Variants in FAM168A observed in about 807,000 individuals in gnomAD.
FAM168A encodes the protein family with sequence similarity 168 member A.
A neutral mutation model predicts 28.5 loss-of-function variants in FAM168A; 3 were observed. That is an observed-to-expected ratio of 0.11 (90% confidence interval 0.05 to 0.27). FAM168A has a LOEUF of 0.27. Ranked by LOEUF, FAM168A falls within the 10% of genes least tolerant of loss-of-function variation. The probability of loss-of-function intolerance (pLI) is 1.00; values close to 1 mark genes in which losing one functional copy is unlikely to be tolerated. For missense variants in FAM168A, 222 were observed against 311.5 expected (o/e 0.71, Z 2.16); for synonymous variants, 122 against 124.2 (o/e 0.98, Z 0.12).
At chr11:73,423,247 A>T (rs1400768663) in intron 3 of FAM168A, among the ~76,000 whole-genome samples, 1 of 152,258 alleles carries the variant, frequency 6.6e-6, no homozygotes, top group East Asian at 1.9e-4. Context: ...ATCGTCTCTC[A>T]TCTGAACTAC....
chr11:73,588,617 G>A (rs1292783918), intron 1 of FAM168A, among the ~76,000 whole-genome samples: 1 of 152,098 alleles, frequency 6.6e-6, no homozygotes, highest in Non-Finnish European at 1.5e-5. Flanking sequence ...ACATGACCAC[G>A]TGAGCCCAGG....
At chr11:73,536,581 G>A (rs1943585493) in intron 1 of FAM168A, among the ~76,000 whole-genome samples, 1 of 152,118 alleles carries the variant, frequency 6.6e-6, no homozygotes, top group Non-Finnish European at 1.5e-5. Flanking sequence ...CAGCTACTCG[G>A]GAGGCTGAGG....
rs57233496 is a variant in FAM168A at position 73,545,027 on chromosome 11, A to AT, written c.-19+52895_-19+52896insA. On this transcript the variant is annotated intron_variant, in intron 1 of 7. Coordinates refer to ENST00000356467, the MANE Select transcript of FAM168A (RefSeq NM_015159.3). ...AATATACTATATATATAGTATATATAATATATATATATTTTTTGGAGACAG... is the reference window on the plus strand; with the variant it reads ...AATATACTATATATATAGTATATATATATATATATATATTTTTTGGAGACAG... 2.7e-4 allele frequency among the ~76,000 whole-genome samples: 21 copies of AT among 77,428 alleles called. 1 individual carries two copies. The highest frequency in any genetic ancestry group is 2.1e-3 in the African/African-American group (18 of 8,454). 50.8% of individuals were successfully genotyped at this position (77,428 alleles called of 152,430 possible). A position where few individuals can be genotyped will look rare whatever the true frequency, so the allele number is the denominator to read the frequency against.
intron 1 of FAM168A, among the ~76,000 whole-genome samples, chr11:73,558,238 T>C (rs747116729): frequency 6.6e-6 from 1 of 152,052 alleles, no homozygotes; most frequent in Non-Finnish European, 1.5e-5. Flanking sequence ...CCCAGCACTT[T>C]AGAAGGGCCA....
chr11:73,528,301 T>C (rs1282728801), intron 1 of FAM168A, among the ~76,000 whole-genome samples: 1 of 152,196 alleles, frequency 6.6e-6, no homozygotes, highest in Non-Finnish European at 1.5e-5. Context: ...AGCCTCCAGA[T>C]GTTTACGGTT....
chr11:73,464,379 T>G (rs1284814382), intron 2 of FAM168A, among the ~76,000 whole-genome samples: 3 of 152,058 alleles, frequency 2.0e-5, no homozygotes, highest in African/African-American at 7.2e-5. Context: ...ATGGTAGTCT[T>G]TGAACAGATT....
At chr11:73,533,357 A>G (rs1296483354) in intron 1 of FAM168A, among the ~76,000 whole-genome samples, 1 of 152,218 alleles carries the variant, frequency 6.6e-6, no homozygotes, top group Non-Finnish European at 1.5e-5. Context: ...CTAGGAAGCA[A>G]GCAAAAAAGG....
In FAM168A at chr11:73,404,028, A is replaced by T. The variant is rs2134470147; in HGVS notation, c.*2735T>A. Reference sequence around the variant, plus strand: ...CTGTCACTTATTAGCAAGTCACTTGACTTTTCCAAGCCTTGATTTCCTTAT... The same window carrying T: ...CTGTCACTTATTAGCAAGTCACTTGTCTTTTCCAAGCCTTGATTTCCTTAT... On this transcript the variant is annotated 3_prime_UTR_variant, in exon 8 of 8. Transcript: ENST00000356467. 6.6e-6 allele frequency: 1 copy of T among 152,360 alleles called. No individual in the cohort carries two copies. Among genetic ancestry groups the T allele is most frequent in the Admixed American group, 6.5e-5 (1 of 15,308 alleles). The allele number at this position is 152,360 out of a possible 1,614,324, so 9.4% of individuals were successfully genotyped here.
intron 1 of FAM168A, among the ~76,000 whole-genome samples, chr11:73,485,098 A>G (rs955323797): frequency 6.6e-6 from 1 of 152,140 alleles, no homozygotes; most frequent in Admixed American, 6.5e-5. Flanking sequence ...GCATCCTTCA[A>G]TCCAATCAAG....
chr11:73,430,846 C>A, intron 2 of FAM168A, 76 bp from the exon 3 acceptor site: 1 of 1,226,468 alleles, frequency 8.2e-7, no homozygotes, highest in East Asian at 2.4e-5. Context: ...AAAAAAACAC[C>A]CAGATTTTTG....
chr11:73,420,861 A>T (rs1866779794), intron 3 of FAM168A: 1 of 152,632 alleles, frequency 6.6e-6, no homozygotes, highest in African/African-American at 2.4e-5. Context: ...CATATGTTTT[A>T]GAAATGGGGA....
At chr11:73,456,863 T>A (rs1302987574) in intron 2 of FAM168A, among the ~76,000 whole-genome samples, 2 of 152,344 alleles carry the variant, frequency 1.3e-5, no homozygotes, top group African/African-American at 4.8e-5. Context: ...AAGTCCCTGG[T>A]GCAGATTGCT....
chr11:73,494,616 G>A (rs904809393), intron 1 of FAM168A, among the ~76,000 whole-genome samples: 2 of 152,146 alleles, frequency 1.3e-5, no homozygotes, highest in South Asian at 2.1e-4. Context: ...TGATGAAGAC[G>A]TAGAAAAATT....
At chr11:73,413,587 G>T (rs1866652006) in intron 4 of FAM168A, among the ~76,000 whole-genome samples, 2 of 152,090 alleles carry the variant, frequency 1.3e-5, no homozygotes, top group Admixed American at 1.3e-4. Context: ...AAAATAAAGG[G>T]GTTTTATAGA....
intron 1 of FAM168A, among the ~76,000 whole-genome samples, chr11:73,583,967 C>A (rs963254056): frequency 6.6e-6 from 1 of 152,144 alleles, no homozygotes; most frequent in Non-Finnish European, 1.5e-5. Flanking sequence ...GGTTGAAGGG[C>A]AGGCTTTCAG....
intron 2 of FAM168A, among the ~76,000 whole-genome samples, chr11:73,455,042 C>T (rs955090904): frequency 6.6e-6 from 1 of 152,248 alleles, no homozygotes; most frequent in African/African-American, 2.4e-5. Flanking sequence ...AAAGAGCCCA[C>T]TGGGCTGTTA....
chr11:73,464,828 T>C (rs1188846852), intron 2 of FAM168A, among the ~76,000 whole-genome samples: 1 of 152,094 alleles, frequency 6.6e-6, no homozygotes, highest in Non-Finnish European at 1.5e-5. Flanking sequence ...TACTCTCAGC[T>C]GTCGTGTGAG....
At chr11:73,514,546 C>T (rs1326862422) in intron 1 of FAM168A, among the ~76,000 whole-genome samples, 1 of 152,126 alleles carries the variant, frequency 6.6e-6, no homozygotes, top group Non-Finnish European at 1.5e-5. Context: ...CCAAAATAAC[C>T]TCCCTGTGAG....
At chr11:73,525,105 C>T (rs1943432995) in intron 1 of FAM168A, among the ~76,000 whole-genome samples, 1 of 151,672 alleles carries the variant, frequency 6.6e-6, no homozygotes, top group Non-Finnish European at 1.5e-5. Flanking sequence ...TCTCCATTCC[C>T]TCTCTTTTTT....
Sources: allele counts gnomAD v4.1 joint callset (sites outside exome capture counted in the v4.1 genomes callset), GRCh38; gene constraint gnomAD v4.1.1; transcripts MANE v1.5; gene names NCBI Gene and HGNC (gene_info 2026-07-23, HGNC 2026-07-21).